The following ATP2B1 variants were observed in gnomAD, a reference collection of about 807,000 sequenced individuals.
ATP2B1 encodes plasma membrane calcium-transporting ATPase 1.
Under a neutral mutation model 124.2 loss-of-function variants are expected in ATP2B1, and 14 were observed. The ratio of observed to expected loss-of-function variants is 0.11; its 90% CI spans 0.07 to 0.18. The LOEUF (loss-of-function observed/expected upper bound fraction) is 0.18, where lower values mean the gene tolerates loss of function less well. Among genes scored for constraint, ATP2B1 ranks in the 10% least tolerant of loss-of-function variants. The pLI, the probability that ATP2B1 is intolerant of heterozygous loss-of-function variation, is 1.00. For missense variants in ATP2B1, 763 were observed against 1,466.1 expected (o/e 0.52, Z 7.83); for synonymous variants, 449 against 492.4 (o/e 0.91, Z 1.17).
chr12:89,638,407 G>C (rs1179759109), intron 3 of ATP2B1, among the ~76,000 whole-genome samples: 2 of 152,160 alleles, frequency 1.3e-5, no homozygotes, highest in Non-Finnish European at 2.9e-5. Context: ...GTGCTGTCGT[G>C]AAACCTGAGA....
chr12:89,653,783 C>T (rs1043549684), intron 2 of ATP2B1, among the ~76,000 whole-genome samples: 2 of 151,964 alleles, frequency 1.3e-5, no homozygotes, highest in African/African-American at 2.4e-5. Context: ...CAAATAATAC[C>T]GTGAAAGAAA....
chr12:89,664,501 C>T (rs1370792797), intron 1 of ATP2B1, among the ~76,000 whole-genome samples: 1 of 152,176 alleles, frequency 6.6e-6, no homozygotes, highest in Non-Finnish European at 1.5e-5. Flanking sequence ...CAAGGTTATA[C>T]TTACAAAACC....
At chr12:89,608,967 A>G (rs545147237) in intron 15 of ATP2B1, among the ~76,000 whole-genome samples, 1 of 152,224 alleles carries the variant, frequency 6.6e-6, no homozygotes, top group Non-Finnish European at 1.5e-5. Context: ...GATTGAGGGA[A>G]ATTTACCCAT....
At chr12:89,642,895 A>G (rs1883783748) in intron 2 of ATP2B1, among the ~76,000 whole-genome samples, 1 of 151,938 alleles carries the variant, frequency 6.6e-6, no homozygotes, top group Non-Finnish European at 1.5e-5. Flanking sequence ...GTGAGCCACC[A>G]TGCCTGGCCA....
At chr12:89,606,772 T>C (rs545619246) in intron 15 of ATP2B1, among the ~76,000 whole-genome samples, 3 of 151,974 alleles carry the variant, frequency 2.0e-5, no homozygotes, top group Non-Finnish European at 4.4e-5. Context: ...GATTTTAATA[T>C]ACCATGTTGG....
At chr12:89,696,541 C>T (rs938634712) in intron 1 of ATP2B1, among the ~76,000 whole-genome samples, 1 of 152,122 alleles carries the variant, frequency 6.6e-6, no homozygotes, top group African/African-American at 2.4e-5. Flanking sequence ...ATTATACCTA[C>T]ATTATCTGAA....
chr12:89,693,890 A>G (rs186963250), intron 1 of ATP2B1, among the ~76,000 whole-genome samples: 64 of 152,334 alleles, frequency 4.2e-4, no homozygotes, highest in African/African-American at 1.5e-3. Flanking sequence ...GGTTCAGGAA[A>G]CTGGATAAAT....
chr12:89,599,438 G>A, intron 19 of ATP2B1, 139 bp from the exon 20 acceptor site: 1 of 900,746 alleles, frequency 1.1e-6, no homozygotes, highest in African/African-American at 1.7e-5. Context: ...CTGTTGATTA[G>A]TCTTTCTCTC....
chr12:89,593,237 CCTGA>C (rs1565791206), intron 20 of ATP2B1: 3 of 151,930 alleles, frequency 2.0e-5, no homozygotes, highest in African/African-American at 4.8e-5. Flanking sequence ...CAGCAAGTAT[CCTGA>C]CTGTCCTAAT....
At position 89,707,028 on chromosome 12, in the gene ATP2B1, AAT is replaced by A. The variant is rs550422048; in HGVS notation, c.-222+1566_-222+1567del. Among the ~76,000 whole-genome samples, 219 of 152,286 alleles carry A rather than the reference AAT, an allele frequency of 1.4e-3. 4 individuals are homozygous for A. The East Asian group carries it at 0.027, about 19-fold the overall frequency. On this transcript the variant is annotated intron_variant, in intron 1 of 20. Coordinates refer to ENST00000428670, the MANE Select transcript of ATP2B1 (RefSeq NM_001366521.1). Reference sequence around the variant, plus strand: ...ATCAAAGGTTCCCAATTAAAAAAAAAATGTTTCTATTTACTTCAAATTTGAAC... The same window carrying A: ...ATCAAAGGTTCCCAATTAAAAAAAAAGTTTCTATTTACTTCAAATTTGAAC...
chr12:89,664,311 A>T (rs1315119583), intron 1 of ATP2B1, among the ~76,000 whole-genome samples: 1 of 152,178 alleles, frequency 6.6e-6, no homozygotes, highest in Non-Finnish European at 1.5e-5. Context: ...AGTACAGATT[A>T]TTCATTCATG....
At chr12:89,658,276 T>C (rs1335997900) in intron 1 of ATP2B1, among the ~76,000 whole-genome samples, 2 of 152,310 alleles carry the variant, frequency 1.3e-5, no homozygotes, top group East Asian at 3.9e-4. Flanking sequence ...ACCATGGACG[T>C]GAAATGACCT....
intron 3 of ATP2B1, among the ~76,000 whole-genome samples, chr12:89,635,694 C>T (rs1592812017): frequency 1.3e-5 from 2 of 152,178 alleles, no homozygotes; most frequent in Non-Finnish European, 1.5e-5. Flanking sequence ...TTAATTATTA[C>T]ATATGATAGA....
intron 2 of ATP2B1, among the ~76,000 whole-genome samples, chr12:89,650,126 C>T (rs906734677): frequency 3.9e-5 from 6 of 152,110 alleles, no homozygotes; most frequent in Admixed American, 6.6e-5. Context: ...TATAGCAGTG[C>T]GCAAACGGAG....
At chr12:89,594,219 AGAAAGCACT>A (rs1246979828) in intron 20 of ATP2B1, 1 of 152,034 alleles carries the variant, frequency 6.6e-6, no homozygotes, top group African/African-American at 2.4e-5. Context: ...AAAGAACATA[AGAAAGCACT>A]CTTGATCTAA....
intron 5 of ATP2B1, among the ~76,000 whole-genome samples, chr12:89,632,100 C>T (rs971146553): frequency 3.9e-5 from 6 of 151,990 alleles, no homozygotes; most frequent in African/African-American, 7.3e-5. Context: ...GCTTCTAATC[C>T]GTCTAATCTT....
At chr12:89,632,259 T>C (rs1294649148) in intron 5 of ATP2B1, among the ~76,000 whole-genome samples, 1 of 152,190 alleles carries the variant, frequency 6.6e-6, no homozygotes, top group Admixed American at 6.5e-5. Flanking sequence ...TGCTCAAGGA[T>C]TATTTGCTAA....
Position 89,588,112 on chromosome 12 carries a change from C to T in ATP2B1, c.*2872G>A, listed in dbSNP as rs1335752388. On this transcript the variant is annotated 3_prime_UTR_variant, in exon 21 of 21. Coordinates refer to ENST00000428670, the MANE Select transcript of ATP2B1 (RefSeq NM_001366521.1). Reference sequence around the variant, plus strand: ...AAGACAAATAAACTTTACAAATAGACAAATAATAAAAGGCTCAGTGGCTAA... The same window carrying T: ...AAGACAAATAAACTTTACAAATAGATAAATAATAAAAGGCTCAGTGGCTAA... The T allele has an allele frequency of 1.3e-5, 2 of 152,480 alleles. No homozygotes were observed. Among genetic ancestry groups the T allele is most frequent in the Admixed American group, 1.3e-4 (2 of 15,256 alleles). 9.4% of individuals were successfully genotyped at this position (152,480 alleles called of 1,614,324 possible).
At chr12:89,658,639 G>GAGAGAGAGAGAGAGAT (rs1565882720) in intron 1 of ATP2B1, among the ~76,000 whole-genome samples, 9 of 150,776 alleles carry the variant, frequency 6.0e-5, no homozygotes, top group African/African-American at 2.2e-4. Context: ...GAGAGAGAGA[G>GAGAGAGAGAGAGAGAT]AGAGAGAGAT....
Sources: gnomAD v4.1 joint callset for allele counts (sites outside exome capture counted in the v4.1 genomes callset) on GRCh38, gnomAD v4.1.1 for gene constraint, MANE v1.5 for transcripts, NCBI Gene and HGNC (gene_info 2026-07-23, HGNC 2026-07-21) for gene names.